IGSF9B: variants seen among roughly 807,000 people sequenced by gnomAD.
The protein encoded by IGSF9B is protein turtle homolog B.
A neutral mutation model predicts 143.7 loss-of-function variants in IGSF9B; 48 were observed. The ratio of observed to expected loss-of-function variants is 0.33; its 90% confidence interval spans 0.26 to 0.42. The LOEUF is 0.42. Among genes scored for constraint, IGSF9B ranks in the 20% least tolerant of loss-of-function variants. The pLI is 1.00. For missense variants in IGSF9B, 1,706 were observed against 1,980.0 expected (o/e 0.86, Z 2.63); for synonymous variants, 903 against 833.1 (o/e 1.08, Z -1.44).
Position 133,921,105 on chromosome 11 carries a change from T to A in IGSF9B, c.2620A>T (p.Ile874Phe). 1 of 1,613,874 alleles carries A rather than the reference T, an allele frequency of 6.2e-7. No homozygotes were observed. The highest frequency in any genetic ancestry group is 1.1e-5 in the South Asian group (1 of 91,090). Residue 874 changes from isoleucine (I) to phenylalanine (F), a missense_variant, in exon 18 of 20, where the codon ATC (isoleucine) becomes TTC (phenylalanine). Ile to Phe is a conservative substitution (Grantham distance 21). Coordinates refer to ENST00000533871, the MANE Select transcript of IGSF9B (RefSeq NM_001277285.4). ...TCCTCGGCGAAGGGGAAGCCCTCGA[T>A]GCGCCTGCTCTTCAGCGAGGGCTCC... ...EMEPSLKSRR[I>F]EGFPFAEETD...
intron 14 of IGSF9B, among the ~76,000 whole-genome samples, chr11:133,925,490 C>A (rs541541570): frequency 6.6e-6 from 1 of 152,156 alleles, no homozygotes; most frequent in Non-Finnish European, 1.5e-5. Context: ...CAGCTTGTAG[C>A]GGTGCCGGGA....
chr11:133,919,926 G>A lies in IGSF9B; in HGVS notation c.3799C>T (p.Pro1267Ser). Reference protein sequence around the residue: ...SPSQSSRSGSPSYRPAMGFTT... With the variant: ...SPSQSSRSGSSSYRPAMGFTT... ...AAGCCCATGGCGGGCCGGTAGCTGG[G>A]ACTCCCACTGCGGCTGCTCTGGGAG... Residue 1267 changes from proline to serine, a missense_variant, in exon 18 of 20, where the codon CCC becomes TCC. Around this residue, in one of 7 missense-constraint regions of IGSF9B, gnomAD observed 880 missense variants for 762.9 expected, o/e 1.15. Transcript: ENST00000533871. 1 of 1,559,862 alleles carries A rather than the reference G, an allele frequency of 6.4e-7. No homozygotes were observed. Among genetic ancestry groups the A allele is most frequent in the Non-Finnish European group, 8.7e-7 (1 of 1,151,898 alleles).
At chr11:133,925,717 C>T (rs1213899157) in intron 14 of IGSF9B, 22 bp downstream of exon 14, 1 of 1,598,348 alleles carries the variant, frequency 6.3e-7, no homozygotes, top group Non-Finnish European at 8.6e-7. Context: ...GAAGCAGCAG[C>T]AAGGAAGAGC....
In IGSF9B at chr11:133,919,746, A is replaced by C; in HGVS notation, c.3979T>G (p.Ser1327Ala). 1 of 1,453,536 alleles carries C rather than the reference A, an allele frequency of 6.9e-7. No homozygotes were observed. Among genetic ancestry groups the C allele is most frequent in the South Asian group, 1.6e-5 (1 of 62,698 alleles). The allele number at this position is 1,453,536 out of a possible 1,614,324, so 90.0% of individuals were successfully genotyped here. ...PETPPPTLPT[S>A]GTLPPAPGNA... Reference sequence around the variant, plus strand: ...CGGAAGAGGCGGCGCACTCACCCTGAAGTAGGTAACGTGGGTGGTGGGGTC... The same window carrying C: ...CGGAAGAGGCGGCGCACTCACCCTGCAGTAGGTAACGTGGGTGGTGGGGTC... Residue 1327 changes from serine to alanine, a missense_variant, in exon 18 of 20, where the codon TCA becomes GCA. Ser to Ala is a moderately conservative substitution (Grantham distance 99). This residue lies in a region of IGSF9B where 880 missense variants were observed against 762.9 expected (regional missense o/e 1.15). Transcript: ENST00000533871.
In IGSF9B at chr11:133,931,327, GCTCGCTGGGCC is replaced by G. The variant is rs1939724481; in HGVS notation, c.1368+115_1368+125del. 1.2e-6 allele frequency: 1 copy of G among 848,684 alleles called. No homozygotes were observed. The highest frequency in any genetic ancestry group is 1.8e-6 in the Non-Finnish European group (1 of 540,904). The allele number at this position is 848,684 out of a possible 1,614,324, so 52.6% of individuals were successfully genotyped here. On this transcript the variant is annotated intron_variant, in intron 10 of 19. Coordinates refer to ENST00000533871, the MANE Select transcript of IGSF9B (RefSeq NM_001277285.4). The surrounding 1 kb of genome is among the most constrained non-coding windows in gnomAD (Gnocchi z 7.7). ...GTCAGGGCAGGTCCAGAATAGAACT[GCTCGCTGGGCC>G]CTCACACCTCCCCTCAGCCCCGGGG...
rs914073957 is a variant in IGSF9B at position 133,905,813 on chromosome 11, G to A, written c.*3256C>T. Among the ~76,000 whole-genome samples the A allele has an allele frequency of 6.6e-5, 10 of 152,224 alleles. No individual in the cohort carries two copies. Among genetic ancestry groups the A allele is most frequent in the South Asian group, 6.2e-4 (3 of 4,828 alleles). On this transcript the variant is annotated 3_prime_UTR_variant, in exon 20 of 20. Coordinates refer to ENST00000533871, the MANE Select transcript of IGSF9B (RefSeq NM_001277285.4). The surrounding 1 kb of genome is among the most constrained non-coding windows in gnomAD (Gnocchi z 4.0). Reference sequence around the variant, plus strand: ...AGAGCCACCCCAACAATCCAGCACAGGACCCCGCTCAGCACCAGGGAGCCC... The same window carrying A: ...AGAGCCACCCCAACAATCCAGCACAAGACCCCGCTCAGCACCAGGGAGCCC...
rs941102461 is a variant in IGSF9B at position 133,949,743 on chromosome 11, G to C, written c.65-3485C>G. ...GAGGGGCTGGCTCCTGAAGGGAGTG[G>C]GGAGGAAGGGGAGGAAGAGAGGAAG... On this transcript the variant is annotated intron_variant, in intron 1 of 19. Transcript: ENST00000533871. 6.6e-5 allele frequency among the ~76,000 whole-genome samples: 10 copies of C among 151,998 alleles called. 1 individual carries two copies. In the East Asian group the frequency reaches 1.9e-3, roughly 30 times the overall value.
In IGSF9B at chr11:133,925,779, G is replaced by C. The variant is rs1228475345; in HGVS notation, c.1994C>G (p.Pro665Arg). ...ERWELLDDGI[P>R]GTEGEFFAKD... Reference sequence around the variant, plus strand: ...GGCAAAGAACTCTCCTTCGGTGCCGGGGATGCCATCGTCGAGCAACTCCCA... The same window carrying C: ...GGCAAAGAACTCTCCTTCGGTGCCGCGGATGCCATCGTCGAGCAACTCCCA... Residue 665 changes from proline (P) to arginine (R), a missense_variant, in exon 14 of 20, where the codon CCC becomes CGC. Pro to Arg is a moderately radical substitution (Grantham distance 103). This residue lies in a region of IGSF9B where 267 missense variants were observed against 321.1 expected (regional missense o/e 0.83). Transcript: ENST00000533871. The C allele has an allele frequency of 6.2e-7, 1 of 1,613,812 alleles. No individual in the cohort carries two copies. The highest frequency in any genetic ancestry group is 2.2e-5 in the East Asian group (1 of 44,886).
At chr11:133,933,165 C>T (rs1001604544) in intron 7 of IGSF9B, among the ~76,000 whole-genome samples, 1 of 152,116 alleles carries the variant, frequency 6.6e-6, no homozygotes, top group African/African-American at 2.4e-5. Context: ...CCTCAGTGCC[C>T]CTGTCATGCT....
rs770265038 is a variant in IGSF9B, at chr11:133,931,422, C to T, written c.1368+31G>A. Reference sequence around the variant, plus strand: ...GGGCTCCCTGGGCCCTCACACCTCCCTGCAGACCCAGGGCTCCAGGGCCCA... The same window carrying T: ...GGGCTCCCTGGGCCCTCACACCTCCTTGCAGACCCAGGGCTCCAGGGCCCA... On this transcript the variant is annotated intron_variant, in intron 10 of 19. Coordinates refer to ENST00000533871, the MANE Select transcript of IGSF9B (RefSeq NM_001277285.4). The surrounding 1 kb of genome is among the most constrained non-coding windows in gnomAD (Gnocchi z 7.7). 4.7e-5 allele frequency: 72 copies of T among 1,527,314 alleles called. No homozygotes were observed. In the South Asian group the frequency reaches 7.7e-4, roughly 16 times the overall value. The allele number at this position is 1,527,314 out of a possible 1,614,324, so 94.6% of individuals were successfully genotyped here. A position where few individuals can be genotyped will look rare whatever the true frequency, so the allele number is the denominator to read the frequency against.
chr11:133,897,289 C>T lies in IGSF9B; in HGVS notation c.*11780G>A, dbSNP rs914641239. 2 of 152,280 alleles carry T rather than the reference C, an allele frequency of 1.3e-5. No individual in the cohort carries two copies. The highest frequency in any genetic ancestry group is 6.5e-5 in the Admixed American group (1 of 15,292). The allele number at this position is 152,280 out of a possible 1,614,324, so 9.4% of individuals were successfully genotyped here. On this transcript the variant is annotated 3_prime_UTR_variant, in exon 20 of 20. Coordinates refer to ENST00000533871, the MANE Select transcript of IGSF9B (RefSeq NM_001277285.4). Reference sequence around the variant, plus strand: ...GCCAACCTGGGCCTCCCTTCAAGCTCGTACTTAGTACATTCACCATGACAC... The same window carrying T: ...GCCAACCTGGGCCTCCCTTCAAGCTTGTACTTAGTACATTCACCATGACAC...
rs1449011779 is a variant in IGSF9B at position 133,920,287 on chromosome 11, C to T, written c.3438G>A (p.Val1146=). 6.5e-7 allele frequency: 1 copy of T among 1,537,768 alleles called. No homozygotes were observed. Among genetic ancestry groups the T allele is most frequent in the Non-Finnish European group, 8.8e-7 (1 of 1,141,982 alleles). ...RHTSQGMGIP[V]LPYPEPAEPG... ...GCTCAGCCGGCTCGGGGTAAGGCAG[C>T]ACAGGTATGCCCATGCCTTGGCTTG... is the stretch of plus-strand genomic sequence containing the variant. The change falls in exon 18 of 20, where the codon GTG becomes GTA. Residue 1146 remains valine, a synonymous_variant. Transcript: ENST00000533871.
At position 133,907,893 on chromosome 11, in the gene IGSF9B, G is replaced by T. The variant is rs142426399; in HGVS notation, c.*1176C>A. 2.6e-5 allele frequency among the ~76,000 whole-genome samples: 4 copies of T among 152,204 alleles called. No individual in the cohort carries two copies. The highest frequency in any genetic ancestry group is 9.6e-5 in the African/African-American group (4 of 41,452). On this transcript the variant is annotated 3_prime_UTR_variant, in exon 20 of 20. Transcript: ENST00000533871. ...GAAGGCCCCGGGGCAGAGAAGAGTC[G>T]GCAGGCAGCACGTGGTGAGTGCGGG... is the stretch of plus-strand genomic sequence containing the variant.
Position 133,932,206 on chromosome 11 carries a change from C to T in IGSF9B, c.975G>A (p.Ala325=), listed in dbSNP as rs758358427. Residue 325 remains alanine (A), a synonymous_variant, in exon 8 of 20, where the codon GCG becomes GCA. Coordinates refer to ENST00000533871, the MANE Select transcript of IGSF9B (RefSeq NM_001277285.4). ...TCACAGGGGGCATGTTGAGGACACG[C>T]GCTGGGTCTGCATAGAGGAAGCGCA... The part of the protein sequence containing the change: ...ASAYLTVQYP[A]RVLNMPPVIY... 2.4e-5 allele frequency: 37 copies of T among 1,561,682 alleles called. 1 individual carries two copies. The Middle Eastern group carries it at 6.7e-4, about 28-fold the overall frequency.
At chr11:133,955,945 G>T (rs1312062316) in intron 1 of IGSF9B, among the ~76,000 whole-genome samples, 1 of 152,072 alleles carries the variant, frequency 6.6e-6, no homozygotes, top group Non-Finnish European at 1.5e-5. Flanking sequence ...TCGCAGCCTG[G>T]GGAGGGCGGC....
chr11:133,929,821 T>G, intron 11 of IGSF9B, 39 bp from the exon 12 acceptor site: 3 of 1,413,584 alleles, frequency 2.1e-6, no homozygotes, highest in Non-Finnish European at 3.0e-6. Context: ...TGAAAAGAAC[T>G]CAGCCACGTG....
chr11:133,920,005 C>A lies in IGSF9B; in HGVS notation c.3720G>T (p.Gln1240His). 2 of 1,583,794 alleles carry A rather than the reference C, an allele frequency of 1.3e-6. No individual in the cohort carries two copies. The highest frequency in any genetic ancestry group is 8.6e-7 in the Non-Finnish European group (1 of 1,164,864). The change falls in exon 18 of 20, where the codon CAG becomes CAT. Residue 1240 changes from glutamine to histidine, a missense_variant. Gln to His is a conservative substitution (Grantham distance 24, BLOSUM62 0). This residue lies in a region of IGSF9B where 880 missense variants were observed against 762.9 expected (regional missense o/e 1.15). Coordinates refer to ENST00000533871, the MANE Select transcript of IGSF9B (RefSeq NM_001277285.4). ...QQAEMSEITL[Q>H]PPAAVSFSRK... ...GAGAAAAGCTGACTGCAGCCGGCGG[C>A]TGCAGGGTGATCTCTGACATCTCTG...
rs908993567 is a variant in IGSF9B at position 133,928,957 on chromosome 11, T to C, written c.1631+714A>G. 6.6e-5 allele frequency among the ~76,000 whole-genome samples: 10 copies of C among 152,164 alleles called. No homozygotes were observed. The highest frequency in any genetic ancestry group is 2.4e-4 in the African/African-American group (10 of 41,432). ...CCTCTCCACACCAGTTTCTGTGGCC[T>C]CTGGGGAAAAGACAGAATAAAAACT... On this transcript the variant is annotated intron_variant, in intron 12 of 19. Transcript: ENST00000533871. This position sits in a 1 kb window ranked among gnomAD's most constrained non-coding sequence, Gnocchi z 4.7.
At chr11:133,916,363 C>A (rs545142441) in intron 18 of IGSF9B, among the ~76,000 whole-genome samples, 2 of 152,180 alleles carry the variant, frequency 1.3e-5, no homozygotes, top group African/African-American at 2.4e-5. Flanking sequence ...ACAGTGAGAA[C>A]GCACGTGGAC....
Sources: gnomAD v4.1 joint callset for allele counts (sites outside exome capture counted in the v4.1 genomes callset) on GRCh38, gnomAD v4.1.1 for gene constraint, gnomAD v4.1.1 regional missense constraint, Gnocchi (gnomAD v3.1) non-coding constraint, MANE v1.5 for transcripts, NCBI Gene and HGNC (gene_info 2026-07-23, HGNC 2026-07-21) for gene names.